Variants in TLL1 observed in about 807,000 individuals in gnomAD.
TLL1 encodes tolloid like 1.
TLL1 carries 49 observed loss-of-function variants against 128.2 expected under a neutral mutation model. That is an observed-to-expected ratio of 0.38 (90% confidence interval 0.30 to 0.48). TLL1 has a LOEUF of 0.48. Ranked by LOEUF, TLL1 falls within the 20% of genes least tolerant of loss-of-function variation. TLL1 has a pLI of 0.96. For missense variants in TLL1, 1,123 were observed against 1,242.0 expected (o/e 0.90, Z 1.44); for synonymous variants, 454 against 418.8 (o/e 1.08, Z -1.03).
At chr4:166,081,424 T>G (rs2111145597) in intron 18 of TLL1, among the ~76,000 whole-genome samples, 1 of 152,266 alleles carries the variant, frequency 6.6e-6, no homozygotes, top group East Asian at 1.9e-4. Flanking sequence ...AGGAAGGCAC[T>G]CATGCACCTC....
At chr4:166,009,451 C>T (rs1465625157) in intron 7 of TLL1, among the ~76,000 whole-genome samples, 2 of 151,368 alleles carry the variant, frequency 1.3e-5, no homozygotes, top group Non-Finnish European at 3.0e-5. Context: ...TCCCCTTATT[C>T]TATACTTTTT....
rs1742399654 is a variant in TLL1, at chr4:166,103,894, T to C, written c.*3018T>C. 1 of 150,384 alleles carries C rather than the reference T, an allele frequency of 6.6e-6. No individual in the cohort carries two copies. Among genetic ancestry groups the C allele is most frequent in the Non-Finnish European group, 1.5e-5 (1 of 67,638 alleles). 9.3% of individuals were successfully genotyped at this position (150,384 alleles called of 1,614,324 possible). On this transcript the variant is annotated 3_prime_UTR_variant, in exon 21 of 21. Transcript: ENST00000061240. ...GATTTTATTAAATTATTTTTAAAAG[T>C]CAATTTTGAAAATAACTGTATTTTA...
intron 1 of TLL1, among the ~76,000 whole-genome samples, chr4:165,978,465 C>T (rs1169258792): frequency 6.6e-6 from 1 of 151,992 alleles, no homozygotes; most frequent in Non-Finnish European, 1.5e-5. Flanking sequence ...ACAGTTTTTG[C>T]TTTTTACACT....
chr4:166,089,741 C>T (rs1216953020), intron 18 of TLL1, among the ~76,000 whole-genome samples: 4 of 152,072 alleles, frequency 2.6e-5, no homozygotes, highest in Non-Finnish European at 5.9e-5. Context: ...TTATAACAAA[C>T]AATTACTCTA....
rs184671260 is a variant in TLL1 at position 166,088,428 on chromosome 4, A to G, written c.2443-2700A>G. ...TATGGCCTGGAAATATTTTCTGTTG[A>G]TGTAAAGTCACTGTGTATGGAAGGT... On this transcript the variant is annotated intron_variant, in intron 18 of 20. Transcript: ENST00000061240. Among the ~76,000 whole-genome samples, 437 of 152,122 alleles carry G rather than the reference A, an allele frequency of 2.9e-3. 2 individuals are homozygous for G. The highest frequency in any genetic ancestry group is 9.9e-3 in the African/African-American group (409 of 41,522).
chr4:165,936,086 T>C (rs116506660), intron 1 of TLL1, among the ~76,000 whole-genome samples: 8 of 151,592 alleles, frequency 5.3e-5, no homozygotes, highest in African/African-American at 1.2e-4. Context: ...TCCTTGAGAG[T>C]TGAAAAATGA....
chr4:166,082,050 A>G (rs1003310122), intron 18 of TLL1, among the ~76,000 whole-genome samples: 2 of 152,204 alleles, frequency 1.3e-5, no homozygotes, highest in African/African-American at 4.8e-5. Flanking sequence ...AGAAGGTAAT[A>G]TTCAGAAGCA....
intron 8 of TLL1, among the ~76,000 whole-genome samples, chr4:166,021,145 C>T (rs1447448846): frequency 6.6e-6 from 1 of 151,986 alleles, no homozygotes; most frequent in Non-Finnish European, 1.5e-5. Context: ...AGAGAATTCG[C>T]CTATATTCTG....
At position 166,102,552 on chromosome 4, in the gene TLL1, C is replaced by T. The variant is rs1742341259; in HGVS notation, c.*1676C>T. The T allele has an allele frequency of 6.6e-6, 1 of 152,150 alleles. No individual in the cohort carries two copies. The highest frequency in any genetic ancestry group is 2.4e-5 in the African/African-American group (1 of 41,380). The allele number at this position is 152,150 out of a possible 1,614,324, so 9.4% of individuals were successfully genotyped here. ...AATCCCATTAAAAAAAGGCTCTTTC[C>T]TTTAGAGAAACTCTATTTTGATGTC... On this transcript the variant is annotated 3_prime_UTR_variant, in exon 21 of 21. Transcript: ENST00000061240.
chr4:166,100,741 G>A lies in TLL1; in HGVS notation c.2908-1G>A, dbSNP rs2111169600. ...TGCTTGTTGTTTTTGTTTTCCTTCA[G>A]CCACCAGAAGAGATTTATTCAATTG... On this transcript the variant is annotated splice_acceptor_variant, in intron 20 of 20. Coordinates refer to ENST00000061240, the MANE Select transcript of TLL1 (RefSeq NM_012464.5). LOFTEE classifies it high-confidence loss of function. 3.1e-6 allele frequency: 5 copies of A among 1,612,632 alleles called. No individual in the cohort carries two copies. The highest frequency in any genetic ancestry group is 1.7e-5 in the Admixed American group (1 of 59,924).
In TLL1 at chr4:166,039,458, C is replaced by A; in HGVS notation, c.1261+17C>A. On this transcript the variant is annotated intron_variant, in intron 10 of 20. Transcript: ENST00000061240. ...CTCTCCTTGGTAAGATATCCTTTCCCTTTTATGTGGCTATGTATCTATTCT... is the reference window on the plus strand; with the variant it reads ...CTCTCCTTGGTAAGATATCCTTTCCATTTTATGTGGCTATGTATCTATTCT... 6.4e-7 allele frequency: 1 copy of A among 1,569,114 alleles called. No homozygotes were observed. The highest frequency in any genetic ancestry group is 8.8e-7 in the Non-Finnish European group (1 of 1,139,778).
chr4:166,062,484 T>C (rs983379593), intron 15 of TLL1, among the ~76,000 whole-genome samples: 5 of 152,182 alleles, frequency 3.3e-5, no homozygotes, highest in African/African-American at 1.2e-4. Flanking sequence ...GAAGCAATTG[T>C]GAATGGAAGT....
chr4:165,914,387 T>A (rs909520890), intron 1 of TLL1, among the ~76,000 whole-genome samples: 1 of 152,202 alleles, frequency 6.6e-6, no homozygotes, highest in African/African-American at 2.4e-5. Context: ...CTGCAATTTG[T>A]CTGTCAGGAA....
At chr4:165,947,027 T>C (rs756174382) in intron 1 of TLL1, among the ~76,000 whole-genome samples, 1 of 152,110 alleles carries the variant, frequency 6.6e-6, no homozygotes, top group East Asian at 1.9e-4. Context: ...TATTACCTAG[T>C]GTATTTGTCA....
chr4:166,065,464 C>T (rs1232682252), intron 15 of TLL1, among the ~76,000 whole-genome samples: 1 of 151,934 alleles, frequency 6.6e-6, no homozygotes, highest in Non-Finnish European at 1.5e-5. Flanking sequence ...TCAGTTTTCT[C>T]ATCTCTACAA....
At chr4:165,993,051 A>G (rs1736716964) in intron 3 of TLL1, 167 bp downstream of exon 3, 2 of 605,190 alleles carry the variant, frequency 3.3e-6, no homozygotes, top group Non-Finnish European at 2.9e-6. Context: ...AAAGCCTTTT[A>G]GAACTCATTT....
chr4:166,055,217 TTTG>T lies in TLL1; in HGVS notation c.1669_1671del (p.Val557del), dbSNP rs1379031948. 1 of 1,613,718 alleles carries T rather than the reference TTTG, an allele frequency of 6.2e-7. No homozygotes were observed. Among genetic ancestry groups the T allele is most frequent in the Non-Finnish European group, 8.5e-7 (1 of 1,179,792 alleles). Reference sequence around the variant, plus strand: ...TACCTCCAATACTTTGTGGATGAAGTTTGTTTCTGACGGAACTGTGAACAAAGC... The same window carrying T: ...TACCTCCAATACTTTGTGGATGAAGTTTTCTGACGGAACTGTGAACAAAGC... On this transcript the variant is annotated inframe_deletion, in exon 13 of 21. Coordinates refer to ENST00000061240, the MANE Select transcript of TLL1 (RefSeq NM_012464.5).
At chr4:165,960,228 T>A (rs1263536106) in intron 1 of TLL1, among the ~76,000 whole-genome samples, 1 of 152,044 alleles carries the variant, frequency 6.6e-6, no homozygotes, top group Non-Finnish European at 1.5e-5. Flanking sequence ...CTAGAAAATG[T>A]AGTGGAAACA....
intron 8 of TLL1, among the ~76,000 whole-genome samples, chr4:166,022,770 G>C (rs759182026): frequency 3.3e-5 from 5 of 152,126 alleles, no homozygotes; most frequent in Non-Finnish European, 2.9e-5. Flanking sequence ...ACACAATTTT[G>C]TATGCTAGAA....
Sources: gnomAD v4.1 joint callset for allele counts (sites outside exome capture counted in the v4.1 genomes callset) on GRCh38, gnomAD v4.1.1 for gene constraint, MANE v1.5 for transcripts, NCBI Gene and HGNC (gene_info 2026-07-23, HGNC 2026-07-21) for gene names.